The following LGSN variants were observed in gnomAD, a reference collection of about 807,000 sequenced individuals.
LGSN encodes lengsin.
Under a neutral mutation model 19.5 loss-of-function variants are expected in LGSN, and 21 were observed. The observed-to-expected ratio is 1.07, with a 90% CI of 0.76 to 1.55. The LOEUF (loss-of-function observed/expected upper bound fraction) is 1.55. Among genes scored for constraint, LGSN ranks in the 40% most tolerant of loss-of-function variants. The probability of loss-of-function intolerance (pLI) is 0.00; values close to 1 mark genes in which losing one functional copy is unlikely to be tolerated. For missense variants in LGSN, 673 were observed against 608.5 expected (o/e 1.11, Z -1.12); for synonymous variants, 257 against 215.6 (o/e 1.19, Z -1.68).
the LGSN span, among the ~76,000 whole-genome samples, chr6:63,408,173 A>T: frequency 6.6e-6 from 1 of 152,208 alleles, no homozygotes; most frequent in African/African-American, 2.4e-5. Flanking sequence ...GAATTGGAAA[A>T]AACTACTTTA....
At chr6:63,315,659 C>T (rs1768819115) in intron 1 of LGSN, among the ~76,000 whole-genome samples, 1 of 143,192 alleles carries the variant, frequency 7.0e-6, no homozygotes. Context: ...TGTGTGTATG[C>T]ATGCTCTCAC....
the LGSN span, among the ~76,000 whole-genome samples, chr6:63,450,712 G>A: frequency 6.6e-6 from 1 of 151,596 alleles, no homozygotes; most frequent in Non-Finnish European, 1.5e-5. Flanking sequence ...TTGCTCTGTG[G>A]CCCAGACTGG....
the LGSN span, among the ~76,000 whole-genome samples, chr6:63,331,664 G>A: frequency 4.6e-5 from 7 of 152,128 alleles, no homozygotes; most frequent in Non-Finnish European, 8.8e-5. Flanking sequence ...AACCCACAAC[G>A]GTCCCTGGAC....
intron 1 of LGSN, among the ~76,000 whole-genome samples, chr6:63,299,194 C>A (rs968115247): frequency 3.9e-5 from 6 of 152,126 alleles, no homozygotes; most frequent in African/African-American, 1.4e-4. Context: ...TCTCCAAATT[C>A]ACCTTTCTGG....
chr6:63,396,745 T>C, the LGSN span: 1 of 152,812 alleles, frequency 6.5e-6, no homozygotes, highest in Non-Finnish European at 1.5e-5. Context: ...CTGAGGCTTG[T>C]TGGAAGAGGG....
chr6:63,380,485 G>T, the LGSN span, among the ~76,000 whole-genome samples: 8 of 152,158 alleles, frequency 5.3e-5, no homozygotes, highest in Non-Finnish European at 1.2e-4. Flanking sequence ...GGTAGACAGC[G>T]TCATAAGCAT....
intron 1 of LGSN, among the ~76,000 whole-genome samples, chr6:63,302,132 C>T (rs567386777): frequency 6.6e-6 from 1 of 152,186 alleles, no homozygotes; most frequent in East Asian, 1.9e-4. Context: ...TGGTACTTAA[C>T]ATTCTCTGAG....
intron 1 of LGSN, among the ~76,000 whole-genome samples, chr6:63,312,137 T>C (rs1278077925): frequency 6.6e-6 from 1 of 152,226 alleles, no homozygotes; most frequent in African/African-American, 2.4e-5. Flanking sequence ...GCTTCCTTCC[T>C]TTCAAAGGCT....
chr6:63,436,150 T>C, the LGSN span, among the ~76,000 whole-genome samples: 1 of 152,218 alleles, frequency 6.6e-6, no homozygotes, highest in East Asian at 1.9e-4. Flanking sequence ...TACCACCATC[T>C]TCATTCTCTT....
At chr6:63,337,097 G>A in the LGSN span, among the ~76,000 whole-genome samples, 3 of 150,852 alleles carry the variant, frequency 2.0e-5, no homozygotes, top group Non-Finnish European at 3.0e-5. Flanking sequence ...CTAATTTTTT[G>A]TATCTTTAGT....
the LGSN span, among the ~76,000 whole-genome samples, chr6:63,513,788 G>C: frequency 6.6e-6 from 1 of 151,684 alleles, no homozygotes; most frequent in African/African-American, 2.4e-5. Flanking sequence ...GCGGGTGCCT[G>C]TAATCCCAGC....
intron 3 of LGSN, 114 bp from the exon 4 acceptor site, chr6:63,281,334 A>ATATATATAT (rs36106495): frequency 8.6e-6 from 1 of 116,412 alleles, no homozygotes; most frequent in Non-Finnish European, 1.8e-5. Context: ...TATATATAAT[A>ATATATATAT]AATATATATA....
At chr6:63,427,210 A>G in the LGSN span, among the ~76,000 whole-genome samples, 1 of 151,808 alleles carries the variant, frequency 6.6e-6, no homozygotes. Context: ...ACACCTGGCT[A>G]ATTTTGTATT....
the LGSN span, among the ~76,000 whole-genome samples, chr6:63,405,423 C>G: frequency 7.9e-5 from 12 of 152,186 alleles, no homozygotes; most frequent in Admixed American, 7.9e-4. Context: ...GTCGCACCAA[C>G]AGTGTAAAAG....
At chr6:63,553,644 C>T in the LGSN span, among the ~76,000 whole-genome samples, 1 of 152,056 alleles carries the variant, frequency 6.6e-6, no homozygotes, top group African/African-American at 2.4e-5. Flanking sequence ...GTGTAGCTTC[C>T]TGGTAAAGAA....
the LGSN span, among the ~76,000 whole-genome samples, chr6:63,362,384 G>C: frequency 6.8e-6 from 1 of 147,938 alleles, no homozygotes; most frequent in Non-Finnish European, 1.5e-5. Flanking sequence ...GCAGCCCACA[G>C]AGCAGGGCGG....
the LGSN span, among the ~76,000 whole-genome samples, chr6:63,384,489 TTGTG>T: frequency 0.058 from 7,608 of 131,454 alleles, 263 homozygotes; most frequent in African/African-American, 0.11. Context: ...AAATAACACC[TTGTG>T]TGTGTGTGTG....
the LGSN span, among the ~76,000 whole-genome samples, chr6:63,555,366 T>A: frequency 6.6e-6 from 1 of 152,328 alleles, no homozygotes; most frequent in East Asian, 1.9e-4. Context: ...GTCACAGTCA[T>A]TAGATTAGAT....
At chr6:63,353,588 C>CA in the LGSN span, among the ~76,000 whole-genome samples, 19,452 of 73,750 alleles carry the variant, frequency 0.26, 1,741 homozygotes, top group East Asian at 0.32. Context: ...CAGTTTGTAG[C>CA]AAAAAAAAAA....
Sources: gnomAD v4.1 joint callset for allele counts (sites outside exome capture counted in the v4.1 genomes callset) on GRCh38, gnomAD v4.1.1 for gene constraint, MANE v1.5 for transcripts, NCBI Gene and HGNC (gene_info 2026-07-23, HGNC 2026-07-21) for gene names.